Variants in BCL9 observed in about 807,000 individuals in gnomAD.
The protein encoded by BCL9 is B-cell CLL/lymphoma 9 protein.
In BCL9, 25 loss-of-function variants were observed where a neutral mutation model predicts 88.5. The ratio of observed to expected loss-of-function variants is 0.28; its 90% CI spans 0.21 to 0.39. The LOEUF is 0.39. BCL9 is among the 10% of genes least tolerant of loss of function. The probability of loss-of-function intolerance (pLI) is 1.00; values close to 1 mark genes in which losing one functional copy is unlikely to be tolerated. For missense variants in BCL9, 1,817 were observed against 1,877.8 expected (o/e 0.97, Z 0.60); for synonymous variants, 711 against 673.3 (o/e 1.06, Z -0.87).
In BCL9 at chr1:147,620,563, C is replaced by T; in HGVS notation, c.2408C>T (p.Pro803Leu). The T allele has an allele frequency of 1.2e-6, 2 of 1,613,800 alleles. No individual in the cohort carries two copies. The highest frequency in any genetic ancestry group is 8.5e-7 in the Non-Finnish European group (1 of 1,179,914). The change falls in exon 8 of 10, where the codon CCA (proline) becomes CTA (leucine). Residue 803 changes from proline (P) to leucine (L), a missense_variant. Physicochemically the swap from Pro to Leu is moderately conservative, Grantham distance 98 (BLOSUM62 -3). Transcript: ENST00000234739. ...SNSGLRNLRE[P>L]IGPDQRTNSR... ...AGTGGCTTGCGGAATCTCAGAGAAC[C>T]AATTGGGCCCGACCAGAGGACTAAC...
rs1213227160 is a variant in BCL9, at chr1:147,619,601, G to C, written c.1446G>C (p.Glu482Asp). ...AACTGCAGCAGGAGTTTTATGAAGAGAAGAGGAGGAAGCAGGAACAAGTGG... is the reference window on the plus strand; with the variant it reads ...AACTGCAGCAGGAGTTTTATGAAGACAAGAGGAGGAAGCAGGAACAAGTGG... ...WLKLQQEFYE[E>D]KRRKQEQVVV... Residue 482 changes from glutamate (E) to aspartate (D), a missense_variant, in exon 8 of 10, where the codon GAG becomes GAC. Around this residue, in one of 2 missense-constraint regions of BCL9, gnomAD observed 1,228 missense variants for 1,191.6 expected, o/e 1.03. Transcript: ENST00000234739. This position sits in a 1 kb window ranked among gnomAD's most constrained non-coding sequence, Gnocchi z 4.1. The C allele has an allele frequency of 6.2e-7, 1 of 1,613,976 alleles. No homozygotes were observed. Among genetic ancestry groups the C allele is most frequent in the Non-Finnish European group, 8.5e-7 (1 of 1,180,036 alleles).
At position 147,624,770 on chromosome 1, in the gene BCL9, G is replaced by A. The variant is rs782632793; in HGVS notation, c.4092G>A (p.Gly1364=). 4.3e-6 allele frequency: 7 copies of A among 1,614,092 alleles called. No individual in the cohort carries two copies. Among genetic ancestry groups the A allele is most frequent in the Non-Finnish European group, 3.4e-6 (4 of 1,179,988 alleles). The change falls in exon 10 of 10, where the codon GGG becomes GGA. Residue 1364 remains glycine, a synonymous_variant. Transcript: ENST00000234739. The surrounding 1 kb of genome is among the most constrained non-coding windows in gnomAD (Gnocchi z 4.4). The stretch of plus-strand genomic sequence containing the variant: ...GCATGATTCCTGGCAAGGATCGGGG[G>A]CCTGCCGGGCTCTACACCCACCCTG... The part of the protein sequence containing the change: ...AVGMIPGKDR[G]PAGLYTHPGP...
At chr1:147,606,116 G>A (rs142704326) in intron 2 of BCL9, among the ~76,000 whole-genome samples, 29 of 152,322 alleles carry the variant, frequency 1.9e-4, no homozygotes, top group Middle Eastern at 3.4e-3. Context: ...GGGAGGCTCA[G>A]TGTCATAATT....
intron 1 of BCL9, among the ~76,000 whole-genome samples, chr1:147,554,853 A>G (rs1553195237): frequency 6.6e-6 from 1 of 152,116 alleles, no homozygotes; most frequent in Admixed American, 6.5e-5. Flanking sequence ...CTGGTTGAGT[A>G]TTGGTTGTTG....
chr1:147,620,262 C>T lies in BCL9; in HGVS notation c.2107C>T (p.Pro703Ser), dbSNP rs782433061. ...AAAAGGAATTCCCCCACAGATGGGCCCTGGTCGGGAACTTGAGTTTGGGAT... is the reference window on the plus strand; with the variant it reads ...AAAAGGAATTCCCCCACAGATGGGCTCTGGTCGGGAACTTGAGTTTGGGAT... The part of the protein sequence containing the change: ...FPKGIPPQMG[P>S]GRELEFGMVP... The change falls in exon 8 of 10, where the codon CCT becomes TCT. Residue 703 changes from proline to serine, a missense_variant. By Grantham distance (74) the Pro-to-Ser change is moderately conservative. Transcript: ENST00000234739. The T allele has an allele frequency of 5.0e-5, 80 of 1,614,022 alleles. No individual in the cohort carries two copies. The highest frequency in any genetic ancestry group is 6.5e-5 in the Non-Finnish European group (77 of 1,180,034).
rs587609562 is a variant in BCL9, at chr1:147,611,696, C to T, written c.-141C>T. The T allele has an allele frequency of 2.8e-6, 2 of 715,756 alleles. No individual in the cohort carries two copies. The highest frequency in any genetic ancestry group is 1.8e-5 in the African/African-American group (1 of 56,586). 44.3% of individuals were successfully genotyped at this position (715,756 alleles called of 1,614,324 possible). ...CAGAGAAAAACAAAGAGGAAAAAGG[C>T]ATACAGGCAGCGAGCGCTAAGGGAC... is the stretch of plus-strand genomic sequence containing the variant. On this transcript the variant is annotated 5_prime_UTR_variant, in exon 4 of 10. Coordinates refer to ENST00000234739, the MANE Select transcript of BCL9 (RefSeq NM_004326.4).
chr1:147,624,647 A>C lies in BCL9; in HGVS notation c.3969A>C (p.Gln1323His). The C allele has an allele frequency of 1.2e-6, 2 of 1,614,182 alleles. No individual in the cohort carries two copies. Among genetic ancestry groups the C allele is most frequent in the Non-Finnish European group, 1.7e-6 (2 of 1,180,036 alleles). ...CCATGAGACCACCAGCCTTTCTCCA[A>C]CAAGGCATGATGGGACCTCACCATC... ...HNPMRPPAFLQQGMMGPHHRM... is the reference protein window; with the variant it reads ...HNPMRPPAFLHQGMMGPHHRM... Residue 1323 changes from glutamine (Q) to histidine (H), a missense_variant, in exon 10 of 10, where the codon CAA becomes CAC. By Grantham distance (24) the Gln-to-His change is conservative. Around this residue, in one of 2 missense-constraint regions of BCL9, gnomAD observed 589 missense variants for 686.2 expected, o/e 0.86. Coordinates refer to ENST00000234739, the MANE Select transcript of BCL9 (RefSeq NM_004326.4). The surrounding 1 kb of genome is among the most constrained non-coding windows in gnomAD (Gnocchi z 4.4).
intron 1 of BCL9, among the ~76,000 whole-genome samples, chr1:147,594,206 C>T (rs959476582): frequency 1.3e-5 from 2 of 152,072 alleles, no homozygotes; most frequent in Admixed American, 6.5e-5. Flanking sequence ...CTGGCAAGAG[C>T]ATGTAGAATT....
chr1:147,608,268 C>T (rs1553202209), intron 3 of BCL9, among the ~76,000 whole-genome samples: 2 of 149,086 alleles, frequency 1.3e-5, no homozygotes, highest in Non-Finnish European at 3.0e-5. Context: ...TGTGTCTCGT[C>T]AACTCTGTGG....
intron 9 of BCL9, among the ~76,000 whole-genome samples, 199 bp from the exon 10 acceptor site, chr1:147,623,643 A>G (rs1174291399): frequency 3.3e-5 from 5 of 152,152 alleles, no homozygotes; most frequent in African/African-American, 9.7e-5. Flanking sequence ...ACTCAATAAT[A>G]TATTGTCCTG....
intron 1 of BCL9, 63 bp downstream of exon 1, chr1:147,541,737 G>T (rs56167708): frequency 2.0e-5 from 3 of 152,084 alleles, no homozygotes; most frequent in Admixed American, 6.5e-5. Context: ...GGAAGTGGGG[G>T]TCTCATTCCT....
At chr1:147,590,981 G>GT (rs1398193835) in intron 1 of BCL9, among the ~76,000 whole-genome samples, 5 of 152,118 alleles carry the variant, frequency 3.3e-5, no homozygotes, top group African/African-American at 7.2e-5. Context: ...ATTTTTACAT[G>GT]TTTTTTTCCC....
chr1:147,573,692 T>G (rs1655982909), intron 1 of BCL9, among the ~76,000 whole-genome samples: 1 of 152,192 alleles, frequency 6.6e-6, no homozygotes, highest in Non-Finnish European at 1.5e-5. Context: ...TGGGGAGCAT[T>G]GCTGTAAAGG....
At chr1:147,571,318 CT>C (rs1655876313) in intron 1 of BCL9, among the ~76,000 whole-genome samples, 1 of 152,168 alleles carries the variant, frequency 6.6e-6, no homozygotes, top group African/African-American at 2.4e-5. Flanking sequence ...CAAATCCTTC[CT>C]TCCTTCTTGA....
At chr1:147,611,537 G>C (rs1553202595) in intron 3 of BCL9, 41 bp from the exon 4 acceptor site, 2 of 449,334 alleles carry the variant, frequency 4.5e-6, no homozygotes, top group East Asian at 3.5e-5. Context: ...TTATGTCTCT[G>C]TTTTTGCTCC....
intron 1 of BCL9, among the ~76,000 whole-genome samples, chr1:147,597,858 TC>T (rs1202249086): frequency 6.6e-6 from 1 of 152,256 alleles, no homozygotes; most frequent in Non-Finnish European, 1.5e-5. Context: ...TTTGCATTTT[TC>T]TTCTGATTCA....
intron 3 of BCL9, among the ~76,000 whole-genome samples, chr1:147,609,825 A>C (rs587732461): frequency 3.8e-4 from 58 of 152,360 alleles, no homozygotes; most frequent in Middle Eastern, 6.8e-3. Context: ...CATCATGCTG[A>C]GTATTATAGA....
At position 147,623,968 on chromosome 1, in the gene BCL9, C is replaced by T. The variant is rs1323856032; in HGVS notation, c.3290C>T (p.Ala1097Val). ...SHSNQMPSPN[A>V]VGPNIPPHGV... ...TCCAATCAGATGCCCTCTCCAAATG[C>T]CGTGGGACCCAACATACCTCCTCAT... The change falls in exon 10 of 10, where the codon GCC becomes GTC. Residue 1097 changes from alanine (A) to valine (V), a missense_variant. Coordinates refer to ENST00000234739, the MANE Select transcript of BCL9 (RefSeq NM_004326.4). 5.0e-6 allele frequency: 8 copies of T among 1,614,110 alleles called. No individual in the cohort carries two copies. Among genetic ancestry groups the T allele is most frequent in the Non-Finnish European group, 5.9e-6 (7 of 1,180,044 alleles).
chr1:147,586,058 A>G (rs1656586846), intron 1 of BCL9, among the ~76,000 whole-genome samples: 1 of 152,082 alleles, frequency 6.6e-6, no homozygotes, highest in African/African-American at 2.4e-5. Flanking sequence ...CATCACTATT[A>G]TTGGCCTCTC....
Sources: gnomAD v4.1 joint callset for allele counts (sites outside exome capture counted in the v4.1 genomes callset) on GRCh38, gnomAD v4.1.1 for gene constraint, gnomAD v4.1.1 regional missense constraint, Gnocchi (gnomAD v3.1) non-coding constraint, MANE v1.5 for transcripts, NCBI Gene and HGNC (gene_info 2026-07-23, HGNC 2026-07-21) for gene names.